Variants in LRRC2 observed in about 807,000 individuals in gnomAD.
LRRC2 encodes the protein leucine rich repeat containing 2, also known as leucine-rich repeat-containing protein 2.
Under a neutral mutation model 40.2 loss-of-function variants are expected in LRRC2, and 27 were observed. The ratio of observed to expected loss-of-function variants is 0.67; its 90% confidence interval spans 0.49 to 0.93. The LOEUF (loss-of-function observed/expected upper bound fraction) is 0.93. LRRC2 is among the 40% of genes least tolerant of loss of function. LRRC2 has a pLI of 0.00. For missense variants in LRRC2, 402 were observed against 439.6 expected (o/e 0.91, Z 0.76); for synonymous variants, 147 against 158.9 (o/e 0.92, Z 0.56).
intron 4 of LRRC2, among the ~76,000 whole-genome samples, chr3:46,533,983 C>T (rs67227548): frequency 0.1 from 15,475 of 149,990 alleles, 1,166 homozygotes; most frequent in East Asian, 0.35. Flanking sequence ...TATCGGTATA[C>T]GTGTGCCATG....
chr3:46,564,621 C>A (rs930726869), intron 1 of LRRC2, among the ~76,000 whole-genome samples: 7 of 152,098 alleles, frequency 4.6e-5, no homozygotes, highest in Non-Finnish European at 1.0e-4. Context: ...TTGGCACTCC[C>A]ACTGGGAGGC....
intron 3 of LRRC2, among the ~76,000 whole-genome samples, chr3:46,540,073 G>A (rs1362940811): frequency 1.3e-5 from 2 of 152,226 alleles, no homozygotes; most frequent in East Asian, 1.9e-4. Flanking sequence ...CAGTTGAAGG[G>A]GAGGTGGAGG....
intron 4 of LRRC2, among the ~76,000 whole-genome samples, chr3:46,537,251 C>T (rs1318508512): frequency 6.6e-6 from 1 of 152,162 alleles, no homozygotes; most frequent in Non-Finnish European, 1.5e-5. Context: ...CAGGCACACG[C>T]CATCATGCCT....
At chr3:46,549,833 C>T (rs1179340262) in intron 2 of LRRC2, among the ~76,000 whole-genome samples, 4 of 152,220 alleles carry the variant, frequency 2.6e-5, no homozygotes, top group Admixed American at 1.3e-4. Context: ...ATGCAGCAAG[C>T]TTGTTCTGCT....
rs374546074 is a variant in LRRC2, at chr3:46,521,489, A to G, written c.1066+33T>C. 218 of 1,487,154 alleles carry G rather than the reference A, an allele frequency of 1.5e-4. 2 individuals are homozygous for G. The African/African-American group carries it at 2.6e-3, about 18-fold the overall frequency. 92.1% of individuals were successfully genotyped at this position (1,487,154 alleles called of 1,614,324 possible). On this transcript the variant is annotated intron_variant, in intron 8 of 8. Transcript: ENST00000395905. Reference sequence around the variant, plus strand: ...TTACATAAGTGGACGTCTGTACACTAATTTTAAATAATTTTAAATATGAGT... The same window carrying G: ...TTACATAAGTGGACGTCTGTACACTGATTTTAAATAATTTTAAATATGAGT...
At position 46,521,635 on chromosome 3, in the gene LRRC2, G is replaced by A. The variant is rs150762901; in HGVS notation, c.953C>T (p.Pro318Leu). ...ATCTTCACATTGGGCATTATCAATA[G>A]GATTGTCCATAAGGCTTACAAATCT... ...PLKFVSLMDN[P>L]IDNAQCEDGN... Residue 318 changes from proline (P) to leucine (L), a missense_variant, in exon 8 of 9, where the codon CCT becomes CTT. Pro to Leu is a moderately conservative substitution (Grantham distance 98). Transcript: ENST00000395905. 2,111 of 1,612,594 alleles carry A rather than the reference G, an allele frequency of 1.3e-3. 31 individuals are homozygous for A. The African/African-American group carries it at 0.024, about 18-fold the overall frequency.
intron 4 of LRRC2, among the ~76,000 whole-genome samples, chr3:46,533,348 T>C (rs1022366732): frequency 6.6e-6 from 1 of 152,108 alleles, no homozygotes; most frequent in African/African-American, 2.4e-5. Flanking sequence ...CTATAGCGGC[T>C]CCTGGTTTCT....
rs1704185832 is a variant in LRRC2 at position 46,532,859 on chromosome 3, T to A, written c.541A>T (p.Ser181Cys). The A allele has an allele frequency of 6.2e-7, 1 of 1,613,786 alleles. No homozygotes were observed. Among genetic ancestry groups the A allele is most frequent in the African/African-American group, 1.3e-5 (1 of 74,936 alleles). ...ELNVGFNYLK[S>C]IPPELGDCEN... is the part of the protein sequence containing the mutation. Reference sequence around the variant, plus strand: ...CAATCTCCCAATTCTGGAGGAATGCTCTTCAGATAGTTGAAACCCACATTG... The same window carrying A: ...CAATCTCCCAATTCTGGAGGAATGCACTTCAGATAGTTGAAACCCACATTG... Residue 181 changes from serine (S) to cysteine (C), a missense_variant, in exon 5 of 9, where the codon AGC becomes TGC. By Grantham distance (112) the Ser-to-Cys change is moderately radical. Coordinates refer to ENST00000395905, the MANE Select transcript of LRRC2 (RefSeq NM_024512.5).
chr3:46,526,391 G>A (rs748870108), intron 7 of LRRC2, among the ~76,000 whole-genome samples: 1 of 152,096 alleles, frequency 6.6e-6, no homozygotes, highest in Non-Finnish European at 1.5e-5. Context: ...CTGCTTCCAG[G>A]GGCTGGATGT....
chr3:46,521,922 C>G (rs17078932), intron 7 of LRRC2, among the ~76,000 whole-genome samples: 7,459 of 152,186 alleles, frequency 0.049, 648 homozygotes, highest in African/African-American at 0.17. Context: ...TACAGGAGGC[C>G]ATGGAGTGGA....
At chr3:46,552,291 G>GCA (rs147162941) in intron 1 of LRRC2, among the ~76,000 whole-genome samples, 1 of 150,682 alleles carries the variant, frequency 6.6e-6, no homozygotes, top group Admixed American at 6.6e-5. Context: ...GCACGGGCAT[G>GCA]CACACACACA....
intron 2 of LRRC2, among the ~76,000 whole-genome samples, chr3:46,547,437 A>G (rs1177566759): frequency 6.6e-6 from 1 of 152,088 alleles, no homozygotes; most frequent in East Asian, 1.9e-4. Context: ...ACTTGAGGCC[A>G]AGAGTTTGAG....
intron 1 of LRRC2, among the ~76,000 whole-genome samples, chr3:46,556,873 A>C (rs149582952): frequency 1.3e-3 from 202 of 152,224 alleles, no homozygotes; most frequent in African/African-American, 4.0e-3. Flanking sequence ...CATCGCGCCC[A>C]GCCCCAGCCA....
Position 46,521,665 on chromosome 3 carries a change from G to A in LRRC2, c.930-7C>T, listed in dbSNP as rs1381586095. On this transcript the variant is annotated splice_polypyrimidine_tract_variant and splice_region_variant and intron_variant, in intron 7 of 8. Transcript: ENST00000395905. ...GTCCATAAGGCTTACAAATCTATTC[G>A]AGAAAGCATGGGAAGTATCACATTA... The A allele has an allele frequency of 4.4e-6, 7 of 1,604,402 alleles. No individual in the cohort carries two copies. The highest frequency in any genetic ancestry group is 4.0e-5 in the African/African-American group (3 of 74,584).
At chr3:46,523,603 T>G (rs1704002960) in intron 7 of LRRC2, among the ~76,000 whole-genome samples, 1 of 152,206 alleles carries the variant, frequency 6.6e-6, no homozygotes, top group Non-Finnish European at 1.5e-5. Flanking sequence ...CTAGATTCCA[T>G]GTTTAACATT....
At chr3:46,533,368 G>A (rs1704194677) in intron 4 of LRRC2, among the ~76,000 whole-genome samples, 1 of 152,106 alleles carries the variant, frequency 6.6e-6, no homozygotes, top group African/African-American at 2.4e-5. Context: ...TAGAGCCCAA[G>A]GAGCAGCTTA....
At chr3:46,538,174 C>A (rs559799469) in intron 4 of LRRC2, among the ~76,000 whole-genome samples, 1 of 152,178 alleles carries the variant, frequency 6.6e-6, no homozygotes, top group Non-Finnish European at 1.5e-5. Flanking sequence ...CATAACTATG[C>A]GAAACCACTG....
chr3:46,554,915 T>C (rs1704756067), intron 1 of LRRC2, among the ~76,000 whole-genome samples: 1 of 152,216 alleles, frequency 6.6e-6, no homozygotes, highest in Admixed American at 6.5e-5. Flanking sequence ...TTATTAACTG[T>C]CTTTTTTATT....
At chr3:46,549,922 A>G (rs1303347157) in intron 2 of LRRC2, among the ~76,000 whole-genome samples, 1 of 152,214 alleles carries the variant, frequency 6.6e-6, no homozygotes, top group East Asian at 1.9e-4. Context: ...GGGACCTTGT[A>G]TGATTTATGT....
Sources: gnomAD v4.1 joint callset for allele counts (sites outside exome capture counted in the v4.1 genomes callset) on GRCh38, gnomAD v4.1.1 for gene constraint, MANE v1.5 for transcripts, NCBI Gene and HGNC (gene_info 2026-07-23, HGNC 2026-07-21) for gene names.